SART3: variants seen among roughly 807,000 people sequenced by gnomAD.
SART3 encodes spliceosome associated factor 3, U4/U6 recycling protein, also known as HIV-1 Tat-interacting protein of 110kDa.
Under a neutral mutation model 122.3 loss-of-function variants are expected in SART3, and 44 were observed. The observed-to-expected ratio is 0.36, with a 90% CI of 0.28 to 0.46. SART3 has a LOEUF of 0.46. SART3 is among the 20% of genes least tolerant of loss of function. The pLI is 1.00. For missense variants in SART3, 1,101 were observed against 1,229.0 expected (o/e 0.90, Z 1.56); for synonymous variants, 442 against 454.0 (o/e 0.97, Z 0.34).
At chr12:108,529,362 C>T (rs1872544928) in intron 15 of SART3, among the ~76,000 whole-genome samples, 3 of 152,206 alleles carry the variant, frequency 2.0e-5, no homozygotes, top group Non-Finnish European at 4.4e-5. Context: ...TAACCAACAG[C>T]AGTGAGCACA....
intron 14 of SART3, among the ~76,000 whole-genome samples, chr12:108,530,875 T>C (rs931082861): frequency 1.2e-4 from 18 of 151,784 alleles, no homozygotes; most frequent in African/African-American, 4.4e-4. Context: ...AAAAAATCCA[T>C]AAAACTGAAG....
intron 5 of SART3, among the ~76,000 whole-genome samples, chr12:108,543,598 T>C (rs1873266685): frequency 6.6e-6 from 1 of 152,210 alleles, no homozygotes; most frequent in African/African-American, 2.4e-5. Flanking sequence ...ACTCTAATCA[T>C]TATGCTAGGT....
At chr12:108,545,433 TAA>T in intron 3 of SART3, 110 bp from the exon 4 acceptor site, 1 of 973,358 alleles carries the variant, frequency 1.0e-6, no homozygotes, top group Non-Finnish European at 1.6e-6. Context: ...ACAGCAGCAC[TAA>T]ATGACAGTGA....
chr12:108,546,921 G>A (rs1305029928), intron 3 of SART3, among the ~76,000 whole-genome samples: 6 of 152,164 alleles, frequency 3.9e-5, no homozygotes, highest in African/African-American at 1.4e-4. Flanking sequence ...CCAGGTTCAA[G>A]CAATTCTCCT....
At chr12:108,553,074 A>G (rs1376766992) in intron 1 of SART3, among the ~76,000 whole-genome samples, 6 of 151,304 alleles carry the variant, frequency 4.0e-5, no homozygotes, top group South Asian at 4.2e-4. Context: ...GCAACAGAGG[A>G]AAAAAAAAGG....
intron 15 of SART3, among the ~76,000 whole-genome samples, chr12:108,528,774 G>A (rs1872517836): frequency 6.6e-6 from 1 of 152,164 alleles, no homozygotes; most frequent in African/African-American, 2.4e-5. Flanking sequence ...GGGGCCGGGT[G>A]GAGTAACTGA....
rs1353613392 is a variant in SART3 at position 108,544,858 on chromosome 12, C to G, written c.729+281G>C. ...GGAATTACAAGCATGAGCCACCGCA[C>G]TTGGCCAACTCTGGTTCTTTCTACT... is the stretch of plus-strand genomic sequence containing the variant. On this transcript the variant is annotated intron_variant, in intron 4 of 18. Coordinates refer to ENST00000546815, the MANE Select transcript of SART3 (RefSeq NM_014706.4). The G allele has an allele frequency of 6.9e-6, 4 of 575,846 alleles. No homozygotes were observed. In the African/African-American group the frequency reaches 7.5e-5, roughly 11 times the overall value. 35.7% of individuals were successfully genotyped at this position (575,846 alleles called of 1,614,324 possible).
chr12:108,541,299 T>C (rs962984517), intron 6 of SART3, among the ~76,000 whole-genome samples: 3 of 151,756 alleles, frequency 2.0e-5, no homozygotes, highest in Admixed American at 6.6e-5. Context: ...CCCAGCTAAT[T>C]GGGAGGCTGA....
rs547956728 is a variant in SART3, at chr12:108,561,014, T to C, written c.141A>G (p.Thr47=). 6.7e-5 allele frequency: 108 copies of C among 1,614,192 alleles called. 1 individual carries two copies. In the South Asian group the frequency reaches 1.0e-3, roughly 16 times the overall value. Residue 47 remains threonine (T), a synonymous_variant, in exon 1 of 19, where the codon ACA becomes ACG. Transcript: ENST00000546815. ...CCCACGCTGGCCCCATGGTCTTGTATGTCGCAGCGGCCACAGCCCGCGATA... is the reference window on the plus strand; with the variant it reads ...CCCACGCTGGCCCCATGGTCTTGTACGTCGCAGCGGCCACAGCCCGCGATA... ...KVLSRAVAAA[T]YKTMGPAWDQ...
intron 1 of SART3, among the ~76,000 whole-genome samples, chr12:108,552,555 A>AAG (rs1247861304): frequency 6.6e-6 from 1 of 151,006 alleles, no homozygotes; most frequent in African/African-American, 2.4e-5. Context: ...AAAAAAAAAC[A>AAG]AAAGAACATG....
intron 11 of SART3, among the ~76,000 whole-genome samples, chr12:108,535,786 T>C (rs1361338522): frequency 7.0e-6 from 1 of 143,084 alleles, no homozygotes; most frequent in Non-Finnish European, 1.5e-5. Flanking sequence ...GAGACAATGT[T>C]AAAAAAAAAA....
At chr12:108,549,025 C>T (rs1357167936) in intron 2 of SART3, 63 bp downstream of exon 2, 1 of 1,612,166 alleles carries the variant, frequency 6.2e-7, no homozygotes, top group Non-Finnish European at 8.5e-7. Flanking sequence ...CCACTTTCAA[C>T]ATTGTAAAAA....
chr12:108,545,006 G>A (rs747627118), intron 4 of SART3, 133 bp downstream of exon 4: 1 of 925,518 alleles, frequency 1.1e-6, no homozygotes, highest in Non-Finnish European at 1.8e-6. Flanking sequence ...CCACCACTAA[G>A]GGATTGGCAA....
chr12:108,551,420 T>C (rs927881509), intron 1 of SART3, among the ~76,000 whole-genome samples: 2 of 152,006 alleles, frequency 1.3e-5, no homozygotes, highest in Non-Finnish European at 2.9e-5. Flanking sequence ...TTTCAGCAAC[T>C]GATAAAACTA....
intron 1 of SART3, chr12:108,560,596 T>C (rs779497963): frequency 5.9e-5 from 28 of 470,852 alleles, no homozygotes; most frequent in Non-Finnish European, 1.0e-4. Flanking sequence ...CTCAGTTTCC[T>C]CCAGTAAAAT....
Position 108,531,197 on chromosome 12 carries a change from T to C in SART3, c.1746+7A>G. 1.9e-6 allele frequency: 3 copies of C among 1,613,438 alleles called. No individual in the cohort carries two copies. In the South Asian group the frequency reaches 3.3e-5, roughly 18 times the overall value. On this transcript the variant is annotated splice_region_variant and intron_variant, in intron 14 of 18. Transcript: ENST00000546815. ...GAGGTGCCAAAGACTTCAAACATTG[T>C]CATTACCTTCATTCTCTGCTCATTG... is the stretch of plus-strand genomic sequence containing the variant.
chr12:108,532,988 T>C (rs1318440927), intron 12 of SART3, among the ~76,000 whole-genome samples: 2 of 152,218 alleles, frequency 1.3e-5, no homozygotes, highest in African/African-American at 4.8e-5. Flanking sequence ...AGATCCTTTT[T>C]GTACACTGCT....
At chr12:108,552,486 ACTCC>A (rs2030047224) in intron 1 of SART3, among the ~76,000 whole-genome samples, 1 of 140,568 alleles carries the variant, frequency 7.1e-6, no homozygotes, top group African/African-American at 2.6e-5. Flanking sequence ...AAAAAAAAAA[ACTCC>A]AAAAATAGTG....
chr12:108,556,269 T>C (rs2030215808), intron 1 of SART3, among the ~76,000 whole-genome samples: 1 of 152,118 alleles, frequency 6.6e-6, no homozygotes, highest in Admixed American at 6.5e-5. Flanking sequence ...ATGTTTTAAA[T>C]TTATTTTTTG....
Sources: gnomAD v4.1 joint callset for allele counts (sites outside exome capture counted in the v4.1 genomes callset) on GRCh38, gnomAD v4.1.1 for gene constraint, MANE v1.5 for transcripts, NCBI Gene and HGNC (gene_info 2026-07-23, HGNC 2026-07-21) for gene names.